The following GDPD4 variants were observed in gnomAD, a reference collection of about 807,000 sequenced individuals.
GDPD4 encodes the protein glycerophosphodiester phosphodiesterase domain containing 4.
A neutral mutation model predicts 67.8 loss-of-function variants in GDPD4; 60 were observed. The ratio of observed to expected loss-of-function variants is 0.88; its 90% CI spans 0.72 to 1.10. The LOEUF (loss-of-function observed/expected upper bound fraction) is 1.10, where lower values mean the gene tolerates loss of function less well. Among genes scored for constraint, GDPD4 ranks in the 50% least tolerant of loss-of-function variants. GDPD4 has a pLI of 0.00. For synonymous variants in GDPD4, 212 were observed against 210.9 expected (o/e 1.00, Z -0.04); for missense variants, 623 against 613.9 (o/e 1.01, Z -0.16).
chr11:77,258,693 C>T (rs1959052342), intron 10 of GDPD4, 151 bp from the exon 11 acceptor site: 1 of 648,906 alleles, frequency 1.5e-6, no homozygotes, highest in Non-Finnish European at 2.7e-6. Context: ...ACATATCAGT[C>T]ATTTACACTT....
intron 11 of GDPD4, among the ~76,000 whole-genome samples, chr11:77,246,665 G>T (rs1958790145): frequency 6.6e-6 from 1 of 152,160 alleles, no homozygotes; most frequent in Non-Finnish European, 1.5e-5. Context: ...GATTAAATAT[G>T]ATAAAAATAT....
At chr11:77,254,560 C>T (rs760551012) in intron 11 of GDPD4, among the ~76,000 whole-genome samples, 9 of 152,082 alleles carry the variant, frequency 5.9e-5, no homozygotes, top group Non-Finnish European at 1.2e-4. Context: ...GTTCTGTCAT[C>T]CTGCCTGTTC....
chr11:77,248,835 C>T (rs573168420), intron 11 of GDPD4, among the ~76,000 whole-genome samples: 130 of 150,992 alleles, frequency 8.6e-4, no homozygotes, highest in Non-Finnish European at 1.4e-3. Flanking sequence ...AATTCTCCTG[C>T]CTCAGCCTCC....
intron 11 of GDPD4, among the ~76,000 whole-genome samples, chr11:77,252,065 G>GTTTTT (rs71043561): frequency 7.8e-6 from 1 of 127,424 alleles, no homozygotes; most frequent in African/African-American, 3.0e-5. Context: ...TTTTTTTTTT[G>GTTTTT]TTTTTTTTTT....
chr11:77,221,264 T>A (rs930745512), intron 16 of GDPD4, among the ~76,000 whole-genome samples: 14 of 152,234 alleles, frequency 9.2e-5, no homozygotes, highest in African/African-American at 3.4e-4. Flanking sequence ...TAGTTATTTC[T>A]TGCCTTCTGC....
intron 11 of GDPD4, among the ~76,000 whole-genome samples, chr11:77,249,158 C>T (rs1236143971): frequency 6.7e-6 from 1 of 149,266 alleles, no homozygotes; most frequent in Non-Finnish European, 1.5e-5. Flanking sequence ...CCCAGCTACT[C>T]GAGAGGCTGA....
intron 5 of GDPD4, among the ~76,000 whole-genome samples, chr11:77,273,615 T>G (rs1959316876): frequency 6.6e-6 from 1 of 152,198 alleles, no homozygotes; most frequent in Non-Finnish European, 1.5e-5. Context: ...TTTATTGATA[T>G]GGGTGCACTT....
intron 16 of GDPD4, among the ~76,000 whole-genome samples, chr11:77,226,909 G>A (rs937092753): frequency 2.6e-5 from 4 of 152,098 alleles, no homozygotes; most frequent in Non-Finnish European, 4.4e-5. Flanking sequence ...ATTCATTCCT[G>A]CAACCCTAAG....
chr11:77,248,792 G>A (rs1958831323), intron 11 of GDPD4, among the ~76,000 whole-genome samples: 1 of 151,040 alleles, frequency 6.6e-6, no homozygotes, highest in Non-Finnish European at 1.5e-5. Context: ...CACAGTCTCA[G>A]CTCACTACAA....
At chr11:77,219,457 C>T (rs1241113608) in intron 16 of GDPD4, among the ~76,000 whole-genome samples, 2 of 152,204 alleles carry the variant, frequency 1.3e-5, no homozygotes, top group Non-Finnish European at 2.9e-5. Flanking sequence ...TTGCCCATGC[C>T]TATGTCCTGA....
intron 16 of GDPD4, 52 bp downstream of exon 16, chr11:77,227,812 A>G (rs1958372131): frequency 7.7e-7 from 1 of 1,300,778 alleles, no homozygotes; most frequent in Admixed American, 1.8e-5. Flanking sequence ...TGTCTCCTGG[A>G]AGCAATGGGT....
chr11:77,248,092 A>G (rs1265222201), intron 11 of GDPD4, among the ~76,000 whole-genome samples: 2 of 151,530 alleles, frequency 1.3e-5, no homozygotes, highest in Non-Finnish European at 2.9e-5. Context: ...AAAGAAATAG[A>G]AGGACAATTA....
chr11:77,225,638 AC>A (rs1159983030), intron 16 of GDPD4, among the ~76,000 whole-genome samples: 1 of 152,198 alleles, frequency 6.6e-6, no homozygotes, highest in Non-Finnish European at 1.5e-5. Context: ...GGGTAAGAAA[AC>A]TGAAACTTTA....
intron 1 of GDPD4, among the ~76,000 whole-genome samples, chr11:77,296,999 A>T (rs1489320618): frequency 6.6e-6 from 1 of 150,752 alleles, no homozygotes; most frequent in Non-Finnish European, 1.5e-5. Context: ...GGTTGCAGTG[A>T]GCCAAGATCG....
chr11:77,250,743 A>G (rs1958875781), intron 11 of GDPD4, among the ~76,000 whole-genome samples: 1 of 152,192 alleles, frequency 6.6e-6, no homozygotes, highest in Non-Finnish European at 1.5e-5. Flanking sequence ...CAATGCCCAT[A>G]GTAGGATGTT....
intron 1 of GDPD4, among the ~76,000 whole-genome samples, chr11:77,299,988 C>T (rs544679536): frequency 2.6e-4 from 39 of 152,278 alleles, no homozygotes; most frequent in African/African-American, 9.4e-4. Flanking sequence ...TTTTAATTTG[C>T]AATTTGTAAG....
chr11:77,301,047 G>T (rs574075819), intron 1 of GDPD4, among the ~76,000 whole-genome samples: 3 of 152,156 alleles, frequency 2.0e-5, no homozygotes, highest in African/African-American at 4.8e-5. Flanking sequence ...GATACTTTGT[G>T]TCTAAGCACC....
At chr11:77,219,892 C>G (rs1717111739) in intron 16 of GDPD4, among the ~76,000 whole-genome samples, 1 of 152,164 alleles carries the variant, frequency 6.6e-6, no homozygotes, top group Admixed American at 6.5e-5. Flanking sequence ...ATTTTATTCT[C>G]TTTGGAGCAA....
intron 1 of GDPD4, among the ~76,000 whole-genome samples, chr11:77,292,285 A>C (rs972684063): frequency 3.3e-4 from 50 of 152,252 alleles, no homozygotes; most frequent in African/African-American, 1.2e-3. Flanking sequence ...AGAATTGAAA[A>C]TACTAGAATT....
Sources: allele counts gnomAD v4.1 joint callset (sites outside exome capture counted in the v4.1 genomes callset), GRCh38; gene constraint gnomAD v4.1.1; transcripts MANE v1.5; gene names NCBI Gene and HGNC (gene_info 2026-07-23, HGNC 2026-07-21).